Variants in RIMBP2 observed in about 807,000 individuals in gnomAD.
RIMBP2 encodes the protein RIMS-binding protein 2.
A neutral mutation model predicts 118.6 loss-of-function variants in RIMBP2; 48 were observed. The observed-to-expected ratio is 0.40, with a 90% CI of 0.32 to 0.51. The LOEUF (loss-of-function observed/expected upper bound fraction) is 0.51. Ranked by LOEUF, RIMBP2 falls within the 20% of genes least tolerant of loss-of-function variation. RIMBP2 has a pLI of 0.41. For missense variants in RIMBP2, 1,551 were observed against 1,768.3 expected, an observed-to-expected ratio of 0.88 and a Z score of 2.20; for synonymous variants, 762 against 742.9, an observed-to-expected ratio of 1.03 and a Z score of -0.42.
chr12:130,545,342 C>T (rs2055021303), intron 2 of RIMBP2, among the ~76,000 whole-genome samples: 1 of 151,834 alleles, frequency 6.6e-6, no homozygotes, highest in Non-Finnish European at 1.5e-5. Context: ...AACGTGTGCC[C>T]TACGTGTAAA....
rs35161782 is a variant in RIMBP2, at chr12:130,421,691, A to ATGTGTGTGTGTGTGTGTGTGTG, written c.3238+740_3238+761dup. Among the ~76,000 whole-genome samples the ATGTGTGTGTGTGTGTGTGTGTG allele has an allele frequency of 1.4e-3, 211 of 147,282 alleles. 2 individuals carry two copies. Among genetic ancestry groups the ATGTGTGTGTGTGTGTGTGTGTG allele is most frequent in the African/African-American group, 5.2e-3 (204 of 39,558 alleles). On this transcript the variant is annotated intron_variant, in intron 17 of 22. Coordinates refer to ENST00000690449, the MANE Select transcript of RIMBP2 (RefSeq NM_001393629.1). Reference sequence around the variant, plus strand: ...TATCAAGAGTTCTCCCTGCATTTATATGTGTGTGTGTGTGTGTGTGTGTGT... The same window carrying ATGTGTGTGTGTGTGTGTGTGTG: ...TATCAAGAGTTCTCCCTGCATTTATATGTGTGTGTGTGTGTGTGTGTGTGTGTGTGTGTGTGTGTGTGTGTGT...
In RIMBP2 at chr12:130,406,033, C is replaced by A. The variant is rs563144076; in HGVS notation, c.3765+139G>T. 68 of 623,512 alleles carry A rather than the reference C, an allele frequency of 1.1e-4. No individual in the cohort carries two copies. In the African/African-American group the frequency reaches 1.2e-3, roughly 11 times the overall value. 38.6% of individuals were successfully genotyped at this position (623,512 alleles called of 1,614,324 possible). A position where few individuals can be genotyped will look rare whatever the true frequency, so the allele number is the denominator to read the frequency against. ...AACTCAGCAAAGTTCTATAACTCAG[C>A]CAATTAAGCAAAGCTATCAGCAGGC... On this transcript the variant is annotated intron_variant, in intron 21 of 22. Coordinates refer to ENST00000690449, the MANE Select transcript of RIMBP2 (RefSeq NM_001393629.1).
chr12:130,673,878 GCAGGTGGATCAC>G (rs1397725536), intron 1 of RIMBP2, among the ~76,000 whole-genome samples: 1 of 151,952 alleles, frequency 6.6e-6, no homozygotes, highest in Admixed American at 6.5e-5. Flanking sequence ...GAAGGCCGAG[GCAGGTGGATCAC>G]CTGAGGTCAG....
chr12:130,604,307 A>C (rs1233164957), intron 2 of RIMBP2, among the ~76,000 whole-genome samples: 5 of 138,672 alleles, frequency 3.6e-5, no homozygotes, highest in South Asian at 2.4e-4. Flanking sequence ...AAAAAAAAAA[A>C]ACCTCACAGT....
At position 130,438,457 on chromosome 12, in the gene RIMBP2, G is replaced by C; in HGVS notation, c.1564C>G (p.Arg522Gly). Residue 522 changes from arginine to glycine, a missense_variant, in exon 12 of 23, where the codon CGG becomes GGG. By Grantham distance (125) the Arg-to-Gly change is moderately radical. Coordinates refer to ENST00000690449, the MANE Select transcript of RIMBP2 (RefSeq NM_001393629.1). ...VQAGVTPATI[R>G]VSWRPPVLTP... ...AGCACAGGTGGTCTCCAGGAGACCC[G>C]GATGGTGGCGGGGGTCACCCCAGCC... is the stretch of plus-strand genomic sequence containing the variant. The C allele has an allele frequency of 6.2e-7, 1 of 1,609,604 alleles. No homozygotes were observed. Among genetic ancestry groups the C allele is most frequent in the Non-Finnish European group, 8.5e-7 (1 of 1,177,534 alleles).
intron 1 of RIMBP2, among the ~76,000 whole-genome samples, chr12:130,664,443 A>ACGCACACACCCG (rs1443250789): frequency 1.5e-5 from 1 of 64,614 alleles, no homozygotes; most frequent in Admixed American, 1.3e-4. Context: ...ATGCACGCAC[A>ACGCACACACCCG]CACGCACACA....
chr12:130,532,838 T>C (rs10848134), intron 2 of RIMBP2, among the ~76,000 whole-genome samples: 7,547 of 144,846 alleles, frequency 0.052, 89 homozygotes, highest in East Asian at 0.16. Context: ...TCTAATGAGA[T>C]GCGTGTGTTT....
chr12:130,421,875 A>G (rs1479657367), intron 17 of RIMBP2, among the ~76,000 whole-genome samples: 1 of 152,238 alleles, frequency 6.6e-6, no homozygotes, highest in African/African-American at 2.4e-5. Context: ...GATAGCTTTC[A>G]GCATGGCTGG....
In RIMBP2 at chr12:130,434,899, G is replaced by A. The variant is rs768524518; in HGVS notation, c.2107-19C>T. On this transcript the variant is annotated intron_variant, in intron 13 of 22. Coordinates refer to ENST00000690449, the MANE Select transcript of RIMBP2 (RefSeq NM_001393629.1). This position sits in a 1 kb window ranked among gnomAD's most constrained non-coding sequence, Gnocchi z 5.7. The stretch of plus-strand genomic sequence containing the variant: ...TCTCTAACTTGGAAAGAAAAAGGAG[G>A]CACACGGGTGAGGCAGGGCCACCTT... The A allele has an allele frequency of 3.1e-6, 5 of 1,592,344 alleles. No individual in the cohort carries two copies. The highest frequency in any genetic ancestry group is 3.4e-6 in the Non-Finnish European group (4 of 1,168,742).
chr12:130,690,166 G>A (rs988286303), intron 1 of RIMBP2, among the ~76,000 whole-genome samples: 8 of 152,194 alleles, frequency 5.3e-5, no homozygotes, highest in African/African-American at 1.9e-4. Context: ...CCACCTGACA[G>A]AGAAAGCTCT....
At chr12:130,556,682 C>A (rs1175209158) in intron 2 of RIMBP2, among the ~76,000 whole-genome samples, 2 of 152,190 alleles carry the variant, frequency 1.3e-5, no homozygotes, top group African/African-American at 4.8e-5. Flanking sequence ...GGGGGAGGCT[C>A]CCCACCTTCT....
At chr12:130,427,926 G>T (rs758034391) in intron 15 of RIMBP2, 8 of 368,400 alleles carry the variant, frequency 2.2e-5, no homozygotes, top group African/African-American at 4.2e-5. Flanking sequence ...GCACAGAGCT[G>T]GGTGCCCCCT....
chr12:130,715,263 C>T (rs928056767), intron 1 of RIMBP2, among the ~76,000 whole-genome samples: 2 of 152,136 alleles, frequency 1.3e-5, no homozygotes, highest in Non-Finnish European at 2.9e-5. Context: ...TAAGAACCTC[C>T]AGGGACCCAG....
chr12:130,680,795 C>T lies in RIMBP2; in HGVS notation c.-352+35427G>A, dbSNP rs188478247. Among the ~76,000 whole-genome samples, 1,109 of 152,262 alleles carry T rather than the reference C, an allele frequency of 7.3e-3. 4 individuals are homozygous for T. The highest frequency in any genetic ancestry group is 0.012 in the Non-Finnish European group (811 of 68,012). On this transcript the variant is annotated intron_variant, in intron 1 of 22. Transcript: ENST00000690449. ...AGGGCAGCCCGGCCCCGTGGCAGCG[C>T]GACTGAGGCTGAGAGGCCCTGGGCT... is the stretch of plus-strand genomic sequence containing the variant.
At chr12:130,615,720 G>T (rs914610061) in intron 2 of RIMBP2, among the ~76,000 whole-genome samples, 1 of 152,154 alleles carries the variant, frequency 6.6e-6, no homozygotes, top group African/African-American at 2.4e-5. Context: ...GACATGCATT[G>T]CTTACCTGGG....
Position 130,412,800 on chromosome 12 carries a change from G to A in RIMBP2, c.3421-13C>T. 6.2e-7 allele frequency: 1 copy of A among 1,601,926 alleles called. No individual in the cohort carries two copies. Among genetic ancestry groups the A allele is most frequent in the Non-Finnish European group, 8.5e-7 (1 of 1,173,996 alleles). The stretch of plus-strand genomic sequence containing the variant: ...TATCACCATAAACCTAGAGCCAAGG[G>A]GGAAAATAAATCAAGCACTGTAATT... On this transcript the variant is annotated splice_polypyrimidine_tract_variant and intron_variant, in intron 18 of 22. Transcript: ENST00000690449.
chr12:130,708,289 C>T (rs1054948005), intron 1 of RIMBP2, among the ~76,000 whole-genome samples: 1 of 152,148 alleles, frequency 6.6e-6, no homozygotes, highest in Non-Finnish European at 1.5e-5. Context: ...TGAAAATGTT[C>T]TAACATTGAT....
chr12:130,442,190 C>T lies in RIMBP2; in HGVS notation c.1162G>A (p.Val388Ile), dbSNP rs368697814. 3.3e-5 allele frequency: 53 copies of T among 1,614,218 alleles called. 1 individual carries two copies. The highest frequency in any genetic ancestry group is 6.7e-5 in the East Asian group (3 of 44,858). Residue 388 changes from valine to isoleucine, a missense_variant, in exon 11 of 23, where the codon GTC becomes ATC. By Grantham distance (29) the Val-to-Ile change is conservative. Transcript: ENST00000690449. The surrounding 1 kb of genome is among the most constrained non-coding windows in gnomAD (Gnocchi z 6.9). ...ACTYRISVQC[V>I]TSRGSSDELQ... ...TCATCCGAGCTGCCCCTGCTGGTGA[C>T]GCACTGCACGGAGATGCGGTAGGTG...
intron 2 of RIMBP2, among the ~76,000 whole-genome samples, chr12:130,604,586 C>CTT (rs71088767): frequency 7.1e-5 from 4 of 56,728 alleles, no homozygotes; most frequent in Non-Finnish European, 9.5e-5. Flanking sequence ...CCTTTTCTTT[C>CTT]TTTTTTTTTT....
Sources: allele counts gnomAD v4.1 joint callset (sites outside exome capture counted in the v4.1 genomes callset), GRCh38; gene constraint gnomAD v4.1.1; non-coding constraint Gnocchi (gnomAD v3.1); transcripts MANE v1.5; gene names NCBI Gene and HGNC (gene_info 2026-07-23, HGNC 2026-07-21).